SNX27: variants seen among roughly 807,000 people sequenced by gnomAD.
SNX27 encodes sorting nexin-27.
Under a neutral mutation model 71.6 loss-of-function variants are expected in SNX27, and 22 were observed. The ratio of observed to expected loss-of-function variants is 0.31; its 90% CI spans 0.22 to 0.44. SNX27 has a LOEUF of 0.44. Ranked by LOEUF, SNX27 falls within the 20% of genes least tolerant of loss-of-function variation. SNX27 has a pLI of 1.00. For synonymous variants in SNX27, 269 were observed against 277.2 expected (o/e 0.97, Z 0.29); for missense variants, 531 against 698.6 (o/e 0.76, Z 2.70).
At chr1:151,681,815 C>T (rs1416454942) in intron 7 of SNX27, among the ~76,000 whole-genome samples, 1 of 152,136 alleles carries the variant, frequency 6.6e-6, no homozygotes. Context: ...TAGTGTTAGT[C>T]TGCCTATCCA....
chr1:151,634,811 T>A (rs904416933), intron 1 of SNX27, among the ~76,000 whole-genome samples: 10 of 152,240 alleles, frequency 6.6e-5, no homozygotes, highest in African/African-American at 2.4e-4. Flanking sequence ...AGTGAATACC[T>A]GTATACCTAT....
rs147391924 is a variant in SNX27 at position 151,648,545 on chromosome 1, G to A, written c.543+9426G>A. On this transcript the variant is annotated intron_variant, in intron 2 of 11. Coordinates refer to ENST00000458013, the MANE Select transcript of SNX27 (RefSeq NM_001330723.2). ...AGCAATTCTTCTGCCTCAGCCTCCC[G>A]AGCAGCTGGGATTACAGGCATGAAC... 2.0e-3 allele frequency among the ~76,000 whole-genome samples: 298 copies of A among 150,814 alleles called. 2 individuals carry two copies. Among genetic ancestry groups the A allele is most frequent in the African/African-American group, 6.8e-3 (277 of 41,026 alleles).
At position 151,694,366 on chromosome 1, in the gene SNX27, TCAGAAC is replaced by T. The variant is rs1571883617; in HGVS notation, c.1579-3_1581del. On this transcript the variant is annotated splice_acceptor_variant and splice_polypyrimidine_tract_variant and coding_sequence_variant and intron_variant, in exon 12 of 12. Transcript: ENST00000458013. LOFTEE classifies it high-confidence loss of function. Reference sequence around the variant, plus strand: ...CCAATAACTCTTTTTTTTTTTCCTTTCAGAACATTTTCCAGATGGCGAGGTCACAGC... The same window carrying T: ...CCAATAACTCTTTTTTTTTTTCCTTTATTTTCCAGATGGCGAGGTCACAGC... 6.5e-7 allele frequency: 1 copy of T among 1,550,184 alleles called. No homozygotes were observed. The highest frequency in any genetic ancestry group is 8.7e-7 in the Non-Finnish European group (1 of 1,146,870).
intron 8 of SNX27, among the ~76,000 whole-genome samples, chr1:151,687,755 T>G (rs1296265380): frequency 2.0e-5 from 3 of 152,112 alleles, no homozygotes; most frequent in African/African-American, 7.2e-5. Flanking sequence ...GAAACCATCC[T>G]GGCTAACACG....
Position 151,692,494 on chromosome 1 carries a change from C to T in SNX27, c.1299C>T (p.Ala433=). The T allele has an allele frequency of 1.3e-6, 2 of 1,569,688 alleles. No individual in the cohort carries two copies. The highest frequency in any genetic ancestry group is 1.7e-6 in the Non-Finnish European group (2 of 1,155,964). ...GYNEIIFPHC[A]CDSRRKGHVI... ...ATGAAATCATCTTTCCCCACTGTGC[C>T]TGTGACTCCAGGAGGAAGGGGCACG... The change falls in exon 9 of 12, where the codon GCC becomes GCT. Residue 433 remains alanine, a synonymous_variant. Coordinates refer to ENST00000458013, the MANE Select transcript of SNX27 (RefSeq NM_001330723.2).
rs181732499 is a variant in SNX27 at position 151,650,979 on chromosome 1, G to T, written c.544-7256G>T. Among the ~76,000 whole-genome samples the T allele has an allele frequency of 7.9e-5, 12 of 152,334 alleles. No individual in the cohort carries two copies. The East Asian group carries it at 2.3e-3, about 29-fold the overall frequency. On this transcript the variant is annotated intron_variant, in intron 2 of 11. Transcript: ENST00000458013. ...AAGTTTTCTTAGTACAGAACCAAAT[G>T]AAAAGTCTCCCATGTCTACTTCTTT...
intron 2 of SNX27, among the ~76,000 whole-genome samples, chr1:151,651,372 C>T (rs1460563474): frequency 5.4e-5 from 8 of 148,350 alleles, no homozygotes; most frequent in African/African-American, 1.5e-4. Flanking sequence ...GCTGGCCTGG[C>T]GGGGGGCTGA....
intron 8 of SNX27, among the ~76,000 whole-genome samples, chr1:151,691,043 G>A (rs1471967499): frequency 6.6e-6 from 1 of 152,168 alleles, no homozygotes; most frequent in Admixed American, 6.5e-5. Flanking sequence ...AAGTATAGGA[G>A]TCAGAGATTT....
chr1:151,634,257 A>G (rs1429678975), intron 1 of SNX27, among the ~76,000 whole-genome samples: 1 of 152,156 alleles, frequency 6.6e-6, no homozygotes, highest in Non-Finnish European at 1.5e-5. Flanking sequence ...TCCATTTTTA[A>G]TGGGCTGCCT....
At chr1:151,641,625 A>C (rs1371618252) in intron 2 of SNX27, among the ~76,000 whole-genome samples, 1 of 127,394 alleles carries the variant, frequency 7.8e-6, no homozygotes, top group Non-Finnish European at 1.6e-5. Context: ...ATATATATAT[A>C]TATATCATAT....
intron 1 of SNX27, chr1:151,613,064 C>T (rs1667263877): frequency 6.5e-6 from 1 of 152,888 alleles, no homozygotes; most frequent in African/African-American, 2.4e-5. Flanking sequence ...CACCATCCCT[C>T]CCCGCTCGTC....
chr1:151,651,758 T>G, intron 2 of SNX27, among the ~76,000 whole-genome samples: 2 of 130,726 alleles, frequency 1.5e-5, no homozygotes, highest in African/African-American at 3.0e-5. Flanking sequence ...TCCCAGATGA[T>G]GGGCGGCCAG....
rs1667242269 is a variant in SNX27 at position 151,612,749 on chromosome 1, C to G, written c.311+237C>G. On this transcript the variant is annotated intron_variant, in intron 1 of 11. Coordinates refer to ENST00000458013, the MANE Select transcript of SNX27 (RefSeq NM_001330723.2). This position sits in a 1 kb window ranked among gnomAD's most constrained non-coding sequence, Gnocchi z 5.2. ...CCGTCGTCTCCAGCTGATGCCCTTG[C>G]GCCCCCAGTGCTCCTCCCTGTGCCC... Among the ~76,000 whole-genome samples the G allele has an allele frequency of 6.6e-6, 1 of 152,112 alleles. No individual in the cohort carries two copies. The highest frequency in any genetic ancestry group is 2.1e-4 in the South Asian group (1 of 4,834).
In SNX27 at chr1:151,612,595, G is replaced by A. The variant is rs1667229495; in HGVS notation, c.311+83G>A. 7.4e-6 allele frequency: 8 copies of A among 1,078,078 alleles called. No homozygotes were observed. In the South Asian group the frequency reaches 2.5e-4, roughly 33 times the overall value. 66.8% of individuals were successfully genotyped at this position (1,078,078 alleles called of 1,614,324 possible). On this transcript the variant is annotated intron_variant, in intron 1 of 11. Coordinates refer to ENST00000458013, the MANE Select transcript of SNX27 (RefSeq NM_001330723.2). This position sits in a 1 kb window ranked among gnomAD's most constrained non-coding sequence, Gnocchi z 5.2. ...TCCTCGCTACCCTTGTCACCCCCAG[G>A]CCGCACCTCCCCCGAGCTCCGAGCC...
intron 1 of SNX27, among the ~76,000 whole-genome samples, chr1:151,626,693 C>G (rs1299263552): frequency 6.8e-6 from 1 of 146,518 alleles, no homozygotes; most frequent in Admixed American, 7.0e-5. Context: ...CAGAGCAAGA[C>G]TCCGTCTAAA....
At chr1:151,626,403 A>AT (rs1053379585) in intron 1 of SNX27, among the ~76,000 whole-genome samples, 20 of 152,278 alleles carry the variant, frequency 1.3e-4, no homozygotes, top group African/African-American at 4.8e-4. Context: ...CTAAAAAAGA[A>AT]TAATTTGTCA....
At chr1:151,647,705 A>G (rs577089181) in intron 2 of SNX27, among the ~76,000 whole-genome samples, 1 of 128,482 alleles carries the variant, frequency 7.8e-6, no homozygotes, top group East Asian at 2.2e-4. Flanking sequence ...GCCAAACCCA[A>G]TATGGCCCCA....
At chr1:151,625,301 T>C (rs1372269186) in intron 1 of SNX27, among the ~76,000 whole-genome samples, 1 of 151,938 alleles carries the variant, frequency 6.6e-6, no homozygotes, top group Non-Finnish European at 1.5e-5. Flanking sequence ...AGGTCAGGGG[T>C]TCGAGACTAG....
intron 8 of SNX27, among the ~76,000 whole-genome samples, chr1:151,691,781 T>C (rs1218872561): frequency 1.3e-5 from 2 of 152,114 alleles, no homozygotes; most frequent in African/African-American, 4.8e-5. Context: ...CTCAAAGTGT[T>C]GGGATTACCG....
Sources: allele counts gnomAD v4.1 joint callset (sites outside exome capture counted in the v4.1 genomes callset), GRCh38; gene constraint gnomAD v4.1.1; non-coding constraint Gnocchi (gnomAD v3.1); transcripts MANE v1.5; gene names NCBI Gene and HGNC (gene_info 2026-07-23, HGNC 2026-07-21).